Variants in PCDH15 observed in about 807,000 individuals in gnomAD.
PCDH15 encodes the protein protocadherin-15.
Under a neutral mutation model 178.5 loss-of-function variants are expected in PCDH15, and 129 were observed. That is an observed-to-expected ratio of 0.72 (90% CI 0.63 to 0.84). The LOEUF is 0.84. Ranked by LOEUF, PCDH15 falls within the 40% of genes least tolerant of loss-of-function variation. PCDH15 has a pLI of 0.00. For synonymous variants in PCDH15, 800 were observed against 732.0 expected, an observed-to-expected ratio of 1.09 and a Z score of -1.50; for missense variants, 2,230 against 2,099.9, an observed-to-expected ratio of 1.06 and a Z score of -1.21.
chr10:54,163,285 C>T (rs1024828860), intron 13 of PCDH15, among the ~76,000 whole-genome samples: 24 of 151,994 alleles, frequency 1.6e-4, no homozygotes, highest in African/African-American at 3.4e-4. Flanking sequence ...TATGAAGAAA[C>T]GAGTTTTAAT....
chr10:54,460,302 A>G (rs2077089781), intron 3 of PCDH15, among the ~76,000 whole-genome samples: 1 of 152,156 alleles, frequency 6.6e-6, no homozygotes, highest in Non-Finnish European at 1.5e-5. Context: ...TACACTCACA[A>G]TGCTCACATT....
intron 2 of PCDH15, among the ~76,000 whole-genome samples, chr10:55,346,085 A>C (rs1300289903): frequency 6.6e-6 from 1 of 152,150 alleles, no homozygotes; most frequent in East Asian, 1.9e-4. Context: ...CTAACAAATA[A>C]CCTGCTATTT....
intron 8 of PCDH15, among the ~76,000 whole-genome samples, chr10:54,269,706 T>A (rs2057926658): frequency 6.6e-6 from 1 of 151,958 alleles, no homozygotes; most frequent in African/African-American, 2.4e-5. Flanking sequence ...GACATTTTAG[T>A]TTTTTCTTCA....
At chr10:53,949,576 A>AT (rs1189176886) in intron 23 of PCDH15, among the ~76,000 whole-genome samples, 13 of 152,042 alleles carry the variant, frequency 8.6e-5, no homozygotes, top group Admixed American at 3.9e-4. Context: ...CTACAAAATA[A>AT]TTAAAAAAAA....
intron 2 of PCDH15, among the ~76,000 whole-genome samples, chr10:55,499,559 T>A (rs1840609578): frequency 6.6e-6 from 1 of 151,738 alleles, no homozygotes; most frequent in Admixed American, 6.6e-5. Flanking sequence ...TACATTCTTT[T>A]AAAATTCTTA....
chr10:54,608,305 CA>C (rs1294528229), intron 2 of PCDH15, among the ~76,000 whole-genome samples: 295 of 136,524 alleles, frequency 2.2e-3, no homozygotes, highest in Admixed American at 3.6e-3. Flanking sequence ...TTATCTCTAC[CA>C]AAAAAAAAAA....
chr10:54,609,456 G>A (rs2092888354), intron 2 of PCDH15, among the ~76,000 whole-genome samples: 1 of 151,920 alleles, frequency 6.6e-6, no homozygotes, highest in African/African-American at 2.4e-5. Context: ...ATTTAATTTA[G>A]CTCTGAACAG....
intron 1 of PCDH15, among the ~76,000 whole-genome samples, chr10:55,192,344 A>T (rs1188670521): frequency 6.6e-6 from 1 of 151,918 alleles, no homozygotes; most frequent in Non-Finnish European, 1.5e-5. Flanking sequence ...CAGGAAAAAA[A>T]ATAAAATGGT....
chr10:55,235,856 G>A (rs1413465194), intron 1 of PCDH15, among the ~76,000 whole-genome samples: 6 of 141,952 alleles, frequency 4.2e-5, no homozygotes, highest in South Asian at 2.2e-4. Context: ...GCAGTGAGCC[G>A]AGACTGCGCC....
chr10:55,333,265 C>T (rs1485971739), intron 2 of PCDH15, among the ~76,000 whole-genome samples: 2 of 152,036 alleles, frequency 1.3e-5, no homozygotes, highest in Non-Finnish European at 2.9e-5. Flanking sequence ...TGAACAGGAA[C>T]TCTGAATCAG....
In PCDH15 at chr10:53,841,648, C is replaced by T. The variant is rs188148365; in HGVS notation, c.3807-1152G>A. On this transcript the variant is annotated intron_variant, in intron 28 of 37. Coordinates refer to ENST00000644397, the MANE Select transcript of PCDH15 (RefSeq NM_001384140.1). Reference sequence around the variant, plus strand: ...GTTTTTAAATGTTTGTAACCCAGTACTGTTGAAGTCTGTCTTATTGAAGTA... The same window carrying T: ...GTTTTTAAATGTTTGTAACCCAGTATTGTTGAAGTCTGTCTTATTGAAGTA... Among the ~76,000 whole-genome samples, 1,153 of 152,284 alleles carry T rather than the reference C, an allele frequency of 7.6e-3. 53 individuals are homozygous for T. Among genetic ancestry groups the T allele is most frequent in the Admixed American group, 0.067 (1,023 of 15,302 alleles).
intron 1 of PCDH15, among the ~76,000 whole-genome samples, chr10:55,229,389 CA>C (rs1841147628): frequency 6.6e-6 from 1 of 151,130 alleles, no homozygotes; most frequent in Non-Finnish European, 1.5e-5. Context: ...TAGGCTTCAC[CA>C]AGAAATGTGT....
intron 13 of PCDH15, among the ~76,000 whole-genome samples, chr10:54,173,656 T>C (rs2047125850): frequency 6.6e-6 from 1 of 152,198 alleles, no homozygotes; most frequent in Non-Finnish European, 1.5e-5. Flanking sequence ...TAACAAATAA[T>C]ATTTATTAAA....
At chr10:55,444,539 C>T (rs940535590) in intron 2 of PCDH15, among the ~76,000 whole-genome samples, 9 of 151,990 alleles carry the variant, frequency 5.9e-5, no homozygotes, top group Non-Finnish European at 1.3e-4. Flanking sequence ...AAAATAAAAA[C>T]ATTTATTGTT....
chr10:54,440,068 C>T (rs1448848518), intron 3 of PCDH15, among the ~76,000 whole-genome samples: 8 of 151,862 alleles, frequency 5.3e-5, no homozygotes, highest in Admixed American at 3.9e-4. Context: ...GGGAAAAAAA[C>T]TTCACATGAT....
At chr10:54,669,175 G>GA (rs2094617696) in intron 1 of PCDH15, among the ~76,000 whole-genome samples, 2 of 152,110 alleles carry the variant, frequency 1.3e-5, no homozygotes, top group South Asian at 4.1e-4. Flanking sequence ...TATTAATAAT[G>GA]TCTTCATCAG....
At chr10:53,930,447 G>C in intron 25 of PCDH15, among the ~76,000 whole-genome samples, 1 of 92,978 alleles carries the variant, frequency 1.1e-5, no homozygotes, top group East Asian at 3.4e-4. Flanking sequence ...GACAGAGTGA[G>C]ACTCCCTCTC....
At position 54,923,430 on chromosome 10, in the gene PCDH15, C is replaced by T. The variant is rs752543003; in HGVS notation, c.-79-25930G>A. On this transcript the variant is annotated intron_variant, in intron 2 of 5. Coordinates refer to the PCDH15 transcript ENST00000458638. ...TATGCAGCAGGCTTGAATTTCTCTCCAGTAAATGGGGTTTTCTTTTCTACC... is the reference window on the plus strand; with the variant it reads ...TATGCAGCAGGCTTGAATTTCTCTCTAGTAAATGGGGTTTTCTTTTCTACC... Among the ~76,000 whole-genome samples, 5 of 138,760 alleles carry T rather than the reference C, an allele frequency of 3.6e-5. 1 individual carries two copies. Among genetic ancestry groups the T allele is most frequent in the Non-Finnish European group, 6.7e-5 (4 of 59,578 alleles). The allele number at this position is 138,760 out of a possible 152,430, so 91.0% of individuals were successfully genotyped here.
At chr10:54,206,417 T>C (rs937686055) in intron 10 of PCDH15, among the ~76,000 whole-genome samples, 9 of 152,074 alleles carry the variant, frequency 5.9e-5, no homozygotes, top group African/African-American at 1.9e-4. Context: ...CTGATAGTGA[T>C]AAAGGGGTAA....
Sources: allele counts gnomAD v4.1 joint callset (sites outside exome capture counted in the v4.1 genomes callset), GRCh38; gene constraint gnomAD v4.1.1; transcripts MANE v1.5; gene names NCBI Gene and HGNC (gene_info 2026-07-23, HGNC 2026-07-21).